ABCB10: variants seen among roughly 807,000 people sequenced by gnomAD.
ABCB10 encodes the protein ATP-binding cassette sub-family B member 10, mitochondrial.
Under a neutral mutation model 65.4 loss-of-function variants are expected in ABCB10, and 54 were observed. That is an observed-to-expected ratio of 0.83 (90% CI 0.66 to 1.04). ABCB10 has a LOEUF of 1.04. Ranked by LOEUF, ABCB10 falls within the 50% of genes least tolerant of loss-of-function variation. The pLI, the probability that ABCB10 is intolerant of heterozygous loss-of-function variation, is 0.00. For missense variants in ABCB10, 846 were observed against 976.6 expected, an observed-to-expected ratio of 0.87 and a Z score of 1.78; for synonymous variants, 418 against 406.5, an observed-to-expected ratio of 1.03 and a Z score of -0.34.
intron 3 of ABCB10, among the ~76,000 whole-genome samples, chr1:229,542,902 G>A (rs1334585471): frequency 2.6e-5 from 4 of 152,042 alleles, no homozygotes; most frequent in East Asian, 3.9e-4. Flanking sequence ...AGGCCGAGGC[G>A]GGCAGATCAC....
chr1:229,536,434 G>C (rs1237822879), intron 6 of ABCB10, among the ~76,000 whole-genome samples: 1 of 152,142 alleles, frequency 6.6e-6, no homozygotes, highest in Non-Finnish European at 1.5e-5. Context: ...TTGAGCCCAG[G>C]AGGTCGAGGC....
intron 1 of ABCB10, among the ~76,000 whole-genome samples, chr1:229,554,393 G>A (rs1284221177): frequency 6.6e-6 from 1 of 152,122 alleles, no homozygotes; most frequent in Non-Finnish European, 1.5e-5. Flanking sequence ...TCTAGAGTTA[G>A]GAGTATCCCA....
intron 1 of ABCB10, among the ~76,000 whole-genome samples, chr1:229,551,356 A>C (rs1370531785): frequency 2.6e-5 from 4 of 152,174 alleles, no homozygotes; most frequent in African/African-American, 9.7e-5. Flanking sequence ...CAGCATTCTA[A>C]ATGTTTCACT....
At chr1:229,547,767 AC>A in intron 2 of ABCB10, 66 bp from the exon 3 acceptor site, 2 of 1,525,068 alleles carry the variant, frequency 1.3e-6, no homozygotes, top group East Asian at 4.5e-5. Context: ...TGGGGCAGCC[AC>A]TTACTGTGCA....
chr1:229,545,356 C>CT (rs1662943247), intron 3 of ABCB10, among the ~76,000 whole-genome samples: 3 of 152,188 alleles, frequency 2.0e-5, no homozygotes, highest in Non-Finnish European at 2.9e-5. Context: ...CCCTTCCTCT[C>CT]TAAGTGCTTC....
intron 2 of ABCB10, among the ~76,000 whole-genome samples, chr1:229,548,169 C>T (rs1663015485): frequency 6.6e-6 from 1 of 151,718 alleles, no homozygotes; most frequent in African/African-American, 2.4e-5. Flanking sequence ...ACCCAGCTAA[C>T]TTATTTTTAT....
At chr1:229,539,617 T>G (rs199698401) in intron 5 of ABCB10, 26 bp from the exon 6 acceptor site, 1 of 1,605,490 alleles carries the variant, frequency 6.2e-7, no homozygotes, top group Admixed American at 1.7e-5. Flanking sequence ...AACACAGAAG[T>G]CAGGTGGGAA....
At chr1:229,550,314 C>A (rs1663076534) in intron 1 of ABCB10, among the ~76,000 whole-genome samples, 1 of 149,634 alleles carries the variant, frequency 6.7e-6, no homozygotes, top group Middle Eastern at 3.8e-3. Flanking sequence ...TTGTTTGAGC[C>A]CAGGAGATCC....
intron 6 of ABCB10, among the ~76,000 whole-genome samples, chr1:229,532,458 C>A (rs1298147795): frequency 6.6e-6 from 1 of 151,908 alleles, no homozygotes. Flanking sequence ...AAGACAAATC[C>A]ACAAAATAAT....
intron 3 of ABCB10, among the ~76,000 whole-genome samples, chr1:229,545,081 G>A (rs2102703554): frequency 6.6e-6 from 1 of 152,338 alleles, no homozygotes; most frequent in Non-Finnish European, 1.5e-5. Context: ...CACCCAGTCT[G>A]TGGTATTATT....
intron 6 of ABCB10, among the ~76,000 whole-genome samples, chr1:229,536,308 C>A (rs1662721821): frequency 1.3e-5 from 2 of 151,738 alleles, no homozygotes; most frequent in African/African-American, 4.8e-5. Flanking sequence ...TGAGACCAGC[C>A]TGGGCAACAC....
chr1:229,536,815 G>C (rs531647672), intron 6 of ABCB10, among the ~76,000 whole-genome samples: 1 of 151,534 alleles, frequency 6.6e-6, no homozygotes. Context: ...AACTAGCCAG[G>C]CATGGTGGCG....
intron 6 of ABCB10, among the ~76,000 whole-genome samples, chr1:229,538,505 G>A (rs1048840917): frequency 1.3e-5 from 2 of 152,156 alleles, no homozygotes; most frequent in African/African-American, 4.8e-5. Context: ...GGAGAGGGAA[G>A]AGCTACATAC....
chr1:229,552,002 T>C (rs913748168), intron 1 of ABCB10, among the ~76,000 whole-genome samples: 6 of 152,230 alleles, frequency 3.9e-5, no homozygotes, highest in Non-Finnish European at 7.3e-5. Context: ...ATGACATGAA[T>C]GAAATGCCCC....
At chr1:229,531,909 T>C in intron 6 of ABCB10, 178 bp from the exon 7 acceptor site, 1 of 434,872 alleles carries the variant, frequency 2.3e-6, no homozygotes, top group Non-Finnish European at 4.1e-6. Flanking sequence ...TGTCTCATAC[T>C]CTAGTTTTCC....
intron 6 of ABCB10, among the ~76,000 whole-genome samples, chr1:229,533,287 C>T (rs1211940696): frequency 6.6e-6 from 1 of 152,060 alleles, no homozygotes; most frequent in Non-Finnish European, 1.5e-5. Context: ...CCATGCCTGG[C>T]TAATCTTTGT....
chr1:229,526,470 C>A (rs111789732), intron 9 of ABCB10, among the ~76,000 whole-genome samples: 2 of 152,336 alleles, frequency 1.3e-5, no homozygotes, highest in African/African-American at 4.8e-5. Context: ...TGGGAACAAA[C>A]AATTCTGACA....
intron 1 of ABCB10, among the ~76,000 whole-genome samples, chr1:229,552,727 C>T (rs1663146669): frequency 6.6e-6 from 1 of 152,178 alleles, no homozygotes; most frequent in South Asian, 2.1e-4. Context: ...CTTCAGAGTC[C>T]TCACCATTAT....
chr1:229,523,889 T>C (rs901216029), intron 10 of ABCB10, among the ~76,000 whole-genome samples: 22 of 152,152 alleles, frequency 1.4e-4, no homozygotes, highest in East Asian at 3.8e-4. Flanking sequence ...GTTTCAGAGA[T>C]GGAGTAGCAG....
Sources: gnomAD v4.1 joint callset for allele counts (sites outside exome capture counted in the v4.1 genomes callset) on GRCh38, gnomAD v4.1.1 for gene constraint, MANE v1.5 for transcripts, NCBI Gene and HGNC (gene_info 2026-07-23, HGNC 2026-07-21) for gene names.